GATA4: variants seen among roughly 807,000 people sequenced by gnomAD.
GATA4 encodes GATA binding protein 4.
Under a neutral mutation model 37.9 loss-of-function variants are expected in GATA4, and 7 were observed. The ratio of observed to expected loss-of-function variants is 0.18; its 90% confidence interval spans 0.11 to 0.35. GATA4 has a LOEUF of 0.35. GATA4 is among the 10% of genes least tolerant of loss of function. The pLI is 1.00. For synonymous variants in GATA4, 372 were observed against 292.6 expected, an observed-to-expected ratio of 1.27 and a Z score of -2.77; for missense variants, 647 against 653.0, an observed-to-expected ratio of 0.99 and a Z score of 0.10.
intron 2 of GATA4, among the ~76,000 whole-genome samples, chr8:11,718,958 G>A (rs1010351486): frequency 3.9e-5 from 6 of 152,326 alleles, no homozygotes; most frequent in Middle Eastern, 6.8e-3. Flanking sequence ...TGAACCAGGG[G>A]CAGACAATCA....
rs1374942028 is a variant in GATA4 at position 11,709,504 on chromosome 8, G to A, written c.616+576G>A. On this transcript the variant is annotated intron_variant, in intron 2 of 6. Transcript: ENST00000532059. The surrounding 1 kb of genome is among the most constrained non-coding windows in gnomAD (Gnocchi z 4.3). ...GGATGGACAAAGGAGACGCCGGGGA[G>A]ATGCGCGGAACAGGAGCCGGCACTG... 2.0e-5 allele frequency among the ~76,000 whole-genome samples: 3 copies of A among 149,418 alleles called. No homozygotes were observed. Among genetic ancestry groups the A allele is most frequent in the Non-Finnish European group, 4.4e-5 (3 of 67,554 alleles).
intron 2 of GATA4, among the ~76,000 whole-genome samples, chr8:11,725,165 G>A (rs142280543): frequency 1.9e-3 from 285 of 152,376 alleles, no homozygotes; most frequent in Admixed American, 0.013. Flanking sequence ...GTAGAGATGA[G>A]GGAGGAGGGA....
At chr8:11,688,524 G>GCATGCGCGTGCGCGCATGCA (rs1554483823), upstream of GATA4, among the ~76,000 whole-genome samples, 1 of 149,528 alleles carries the variant, frequency 6.7e-6, no homozygotes, top group East Asian at 1.9e-4. Flanking sequence ...GTGCGCGCAT[G>GCATGCGCGTGCGCGCATGCA]CACACACACA....
chr8:11,727,214 T>G (rs1800968773), intron 2 of GATA4, among the ~76,000 whole-genome samples: 3 of 152,182 alleles, frequency 2.0e-5, no homozygotes, highest in African/African-American at 7.2e-5. Context: ...ACACTTTTCT[T>G]CGGGGAATGT....
chr8:11,743,257 A>T, intron 2 of GATA4, among the ~76,000 whole-genome samples: 1 of 152,372 alleles, frequency 6.6e-6, no homozygotes, highest in East Asian at 1.9e-4. Context: ...AGGAGTTAGC[A>T]TGGATTTTGC....
chr8:11,722,209 T>C (rs1484188398), intron 2 of GATA4, among the ~76,000 whole-genome samples: 2 of 152,184 alleles, frequency 1.3e-5, no homozygotes, highest in Non-Finnish European at 2.9e-5. Flanking sequence ...AGAATATTCA[T>C]CCCTCAGCTT....
upstream of GATA4, chr8:11,692,559 G>C (rs1201403705): frequency 1.0e-6 from 1 of 985,302 alleles, no homozygotes; most frequent in African/African-American, 1.7e-5. Flanking sequence ...TGATCCTTCG[G>C]GCCGCGGCGG....
intron 2 of GATA4, among the ~76,000 whole-genome samples, chr8:11,746,182 A>G (rs1280493596): frequency 1.3e-5 from 2 of 151,792 alleles, no homozygotes; most frequent in East Asian, 3.9e-4. Context: ...AGAGGTTGCA[A>G]TGCCCACTGC....
At chr8:11,689,061 C>T (rs910561744), upstream of GATA4, among the ~76,000 whole-genome samples, 1 of 152,198 alleles carries the variant, frequency 6.6e-6, no homozygotes, top group East Asian at 1.9e-4. Context: ...AATAACAAAG[C>T]AGCGGCAAAT....
Position 11,707,270 on chromosome 8 carries a change from T to C in GATA4, c.-457-586T>C, listed in dbSNP as rs1439562631. Reference sequence around the variant, plus strand: ...GGTTTCAGAACCCTCTTCAGGAGGCTTAGCAGACACCGTTGTTCACTTATA... The same window carrying C: ...GGTTTCAGAACCCTCTTCAGGAGGCCTAGCAGACACCGTTGTTCACTTATA... On this transcript the variant is annotated intron_variant, in intron 1 of 6. Transcript: ENST00000532059. This position sits in a 1 kb window ranked among gnomAD's most constrained non-coding sequence, Gnocchi z 4.7. Among the ~76,000 whole-genome samples the C allele has an allele frequency of 6.6e-6, 1 of 152,164 alleles. No individual in the cohort carries two copies. Among genetic ancestry groups the C allele is most frequent in the Non-Finnish European group, 1.5e-5 (1 of 68,018 alleles).
chr8:11,758,159 T>C, intron 6 of GATA4, 134 bp from the exon 7 acceptor site: 1 of 813,266 alleles, frequency 1.2e-6, no homozygotes, highest in Non-Finnish European at 2.1e-6. Flanking sequence ...CAGAGAGAAG[T>C]GCTCCTTGGT....
intron 2 of GATA4, among the ~76,000 whole-genome samples, chr8:11,715,497 C>G (rs1215325833): frequency 6.6e-6 from 1 of 152,042 alleles, no homozygotes; most frequent in Non-Finnish European, 1.5e-5. Flanking sequence ...ACCTGTAATC[C>G]TAGCACTTTG....
At position 11,708,300 on chromosome 8, in the gene GATA4, G is replaced by T; in HGVS notation, c.-13G>T. 2 of 1,578,296 alleles carry T rather than the reference G, an allele frequency of 1.3e-6. No individual in the cohort carries two copies. The highest frequency in any genetic ancestry group is 8.5e-7 in the Non-Finnish European group (1 of 1,169,652). ...GAGAGAGAGGACACCGAAGCCGGGA[G>T]CTCGCAGGGACCATGTATCAGAGCT... On this transcript the variant is annotated 5_prime_UTR_variant, in exon 2 of 7. Coordinates refer to ENST00000532059, the MANE Select transcript of GATA4 (RefSeq NM_001308093.3). This position sits in a 1 kb window ranked among gnomAD's most constrained non-coding sequence, Gnocchi z 6.7.
rs914253048 is a variant in GATA4 at position 11,749,065 on chromosome 8, A to C, written c.766A>C (p.Ile256Leu). The change falls in exon 3 of 7, where the codon ATC becomes CTC. Residue 256 changes from isoleucine to leucine, a missense_variant. This residue lies in a region of GATA4 where 56 missense variants were observed against 64.5 expected (regional missense o/e 0.87). Transcript: ENST00000532059. This position sits in a 1 kb window ranked among gnomAD's most constrained non-coding sequence, Gnocchi z 4.6. ...GATGAACGGCATCAACCGGCCGCTC[A>C]TCAAGCCTCAGCGCCGGCTGGTAAG... ...HKMNGINRPL[I>L]KPQRRLSASR... The C allele has an allele frequency of 1.9e-6, 3 of 1,614,116 alleles. No individual in the cohort carries two copies. The highest frequency in any genetic ancestry group is 2.5e-6 in the Non-Finnish European group (3 of 1,180,046).
intron 1 of GATA4, chr8:11,681,571 C>G: frequency 1.8e-6 from 1 of 548,082 alleles, no homozygotes; most frequent in Middle Eastern, 9.6e-4. Flanking sequence ...TATAATTTCT[C>G]CCTCCTCCAC....
intron 2 of GATA4, among the ~76,000 whole-genome samples, chr8:11,737,002 A>G (rs1801492276): frequency 6.6e-6 from 1 of 152,140 alleles, no homozygotes; most frequent in African/African-American, 2.4e-5. Flanking sequence ...AGAACTAAAC[A>G]GATCCCTTGC....
At chr8:11,732,382 G>T (rs1458963385) in intron 2 of GATA4, among the ~76,000 whole-genome samples, 2 of 152,156 alleles carry the variant, frequency 1.3e-5, no homozygotes, top group Non-Finnish European at 2.9e-5. Context: ...TGAGAGCAGG[G>T]TCTGTGGGGC....
At chr8:11,680,685 C>G (rs191505095) in intron 1 of GATA4, 40 of 985,232 alleles carry the variant, frequency 4.1e-5, no homozygotes, top group East Asian at 3.4e-4. Context: ...GAGACCCCCC[C>G]CTTGGGGAGA....
chr8:11,724,324 A>C (rs890280789), intron 2 of GATA4, among the ~76,000 whole-genome samples: 23 of 152,152 alleles, frequency 1.5e-4, no homozygotes, highest in African/African-American at 5.6e-4. Context: ...TCTTTATGGT[A>C]TATGCCCAAA....
Sources: gnomAD v4.1 joint callset for allele counts (sites outside exome capture counted in the v4.1 genomes callset) on GRCh38, gnomAD v4.1.1 for gene constraint, gnomAD v4.1.1 regional missense constraint, Gnocchi (gnomAD v3.1) non-coding constraint, MANE v1.5 for transcripts, NCBI Gene and HGNC (gene_info 2026-07-23, HGNC 2026-07-21) for gene names.